Variants in PSG11 observed in about 807,000 individuals in gnomAD.
PSG11 encodes pregnancy-specific beta-1-glycoprotein 11.
PSG11 carries 42 observed loss-of-function variants against 36.0 expected under a neutral mutation model. The observed-to-expected ratio is 1.17, with a 90% CI of 0.91 to 1.51. The LOEUF is 1.51. Among genes scored for constraint, PSG11 ranks in the 40% most tolerant of loss-of-function variants. PSG11 has a pLI of 0.00. For synonymous variants in PSG11, 206 were observed against 153.5 expected, an observed-to-expected ratio of 1.34 and a Z score of -2.53; for missense variants, 558 against 403.5, an observed-to-expected ratio of 1.38 and a Z score of -3.28.
intron 4 of PSG11, chr19:43,014,581 C>G (rs180787355): frequency 2.0e-6 from 2 of 1,010,250 alleles, no homozygotes; most frequent in African/African-American, 1.7e-5. Context: ...TCCACACATG[C>G]TGGTCCCACC....
chr19:43,018,032 T>C (rs565503689), intron 3 of PSG11, among the ~76,000 whole-genome samples: 1 of 151,328 alleles, frequency 6.6e-6, no homozygotes, highest in African/African-American at 2.4e-5. Flanking sequence ...CCTCTCCCTT[T>C]GCAGAGGGCA....
At chr19:43,023,111 C>T (rs12976854) in intron 2 of PSG11, among the ~76,000 whole-genome samples, 6,956 of 149,482 alleles carry the variant, frequency 0.047, 760 homozygotes, top group African/African-American at 0.16. Flanking sequence ...CAAGGAGCCC[C>T]GAGAACCCTC....
chr19:43,015,927 A>G (rs763533961), intron 3 of PSG11: 2 of 1,609,956 alleles, frequency 1.2e-6, no homozygotes, highest in Non-Finnish European at 1.7e-6. Context: ...GGCTCTGACA[A>G]TTTAGCCACC....
chr19:43,015,903 G>A, intron 3 of PSG11: 2 of 1,609,994 alleles, frequency 1.2e-6, no homozygotes, highest in Non-Finnish European at 1.7e-6. Flanking sequence ...GCTTTACCCT[G>A]GGACTGACCG....
intron 3 of PSG11, chr19:43,015,727 T>A: frequency 6.2e-7 from 1 of 1,605,118 alleles, no homozygotes; most frequent in Non-Finnish European, 8.5e-7. Context: ...GTCGTTTGGA[T>A]TTAAGCTGGT....
chr19:43,009,234 A>G (rs1974010280), intron 5 of PSG11, among the ~76,000 whole-genome samples: 1 of 151,332 alleles, frequency 6.6e-6, no homozygotes, highest in Non-Finnish European at 1.5e-5. Context: ...TCAGGTTCAC[A>G]TGTTAATCCT....
At chr19:43,019,638 A>T (rs1967055042) in intron 2 of PSG11, 1 of 157,096 alleles carries the variant, frequency 6.4e-6, no homozygotes, top group Admixed American at 5.9e-5. Context: ...AAGGTGGGGC[A>T]GTTTTCCCAG....
chr19:43,010,925 A>G (rs918060688), intron 4 of PSG11, among the ~76,000 whole-genome samples: 2 of 149,142 alleles, frequency 1.3e-5, no homozygotes, highest in African/African-American at 5.0e-5. Flanking sequence ...GGAAAAAGGA[A>G]GGTACTGTTG....
intron 2 of PSG11, among the ~76,000 whole-genome samples, chr19:43,022,760 C>A (rs1188951712): frequency 6.6e-6 from 1 of 151,074 alleles, no homozygotes; most frequent in Non-Finnish European, 1.5e-5. Context: ...AGCTCATTCT[C>A]TTAGTGACCT....
At chr19:43,020,433 T>C (rs1451752435) in intron 2 of PSG11, among the ~76,000 whole-genome samples, 1 of 151,318 alleles carries the variant, frequency 6.6e-6, no homozygotes, top group Non-Finnish European at 1.5e-5. Context: ...TATTTAATAC[T>C]GTAATTATCC....
At chr19:43,010,318 A>T in intron 4 of PSG11, 3 of 1,505,774 alleles carry the variant, frequency 2.0e-6, no homozygotes, top group East Asian at 4.8e-5. Flanking sequence ...GCTATTTTCT[A>T]TGTCATTGGA....
chr19:43,015,635 A>G, intron 3 of PSG11: 5 of 1,493,998 alleles, frequency 3.3e-6, no homozygotes, highest in Non-Finnish European at 9.0e-7. Flanking sequence ...TTCCCAGGGC[A>G]GGGAGTCATG....
In PSG11 at chr19:43,017,656, G is replaced by T. The variant is rs1248535852; in HGVS notation, c.709+1114C>A. ...CTAATTCTGCAAAAAATGTTACTGG[G>T]ATTCTAGTAGGGGTTGCATTGAATC... On this transcript the variant is annotated intron_variant, in intron 3 of 5. Coordinates refer to ENST00000320078, the MANE Select transcript of PSG11 (RefSeq NM_002785.3). 3.3e-5 allele frequency: 5 copies of T among 151,272 alleles called. 1 individual carries two copies. Among genetic ancestry groups the T allele is most frequent in the African/African-American group, 1.2e-4 (5 of 40,984 alleles). 9.4% of individuals were successfully genotyped at this position (151,272 alleles called of 1,614,324 possible).
intron 3 of PSG11, among the ~76,000 whole-genome samples, chr19:43,016,716 T>C (rs561874701): frequency 1.3e-4 from 19 of 151,600 alleles, no homozygotes; most frequent in Non-Finnish European, 2.7e-4. Context: ...AGGAATGATC[T>C]AGGAAGAGTG....
At position 43,024,967 on chromosome 19, in the gene PSG11, G is replaced by A. The variant is rs1427853678; in HGVS notation, c.154C>T (p.Leu52Phe). ...PPKVSEGKDVLLLVHNLPQNL... is the reference protein window; with the variant it reads ...PPKVSEGKDVFLLVHNLPQNL... ...TGGGGCAAATTGTGGACAAGTAGAA[G>A]AACATCCTTCCCCTCGGACACTTTG... The change falls in exon 2 of 6, where the codon CTT becomes TTT. Residue 52 changes from leucine (L) to phenylalanine (F), a missense_variant. Transcript: ENST00000320078. 2.5e-6 allele frequency: 4 copies of A among 1,611,658 alleles called. No individual in the cohort carries two copies. Among genetic ancestry groups the A allele is most frequent in the Non-Finnish European group, 3.4e-6 (4 of 1,179,014 alleles).
At position 43,017,969 on chromosome 19, in the gene PSG11, T is replaced by A. The variant is rs375651762; in HGVS notation, c.709+801A>T. ...AGAAAGAGTGAAGGGGACAGGCAAA[T>A]GCTGGTGGTTTTGGAGCAGAAACAT... On this transcript the variant is annotated intron_variant, in intron 3 of 5. Transcript: ENST00000320078. Among the ~76,000 whole-genome samples the A allele has an allele frequency of 2.8e-4, 42 of 151,258 alleles. 1 individual carries two copies. The East Asian group carries it at 3.5e-3, about 13-fold the overall frequency.
chr19:43,010,080 T>A (rs141986045), intron 4 of PSG11, 39 bp from the exon 5 acceptor site: 2 of 1,591,808 alleles, frequency 1.3e-6, no homozygotes, highest in South Asian at 2.2e-5. Context: ...ATGAAGGTGA[T>A]GTTATTTTAC....
intron 4 of PSG11, among the ~76,000 whole-genome samples, chr19:43,011,760 A>G (rs1974081927): frequency 1.3e-5 from 2 of 150,978 alleles, no homozygotes; most frequent in Non-Finnish European, 3.0e-5. Context: ...GCATGGTGAC[A>G]TGCACCTGTA....
intron 2 of PSG11, among the ~76,000 whole-genome samples, chr19:43,020,580 T>C (rs947547875): frequency 2.6e-5 from 4 of 151,470 alleles, no homozygotes; most frequent in African/African-American, 9.7e-5. Context: ...GATCAATTGC[T>C]GGTAGTAGTA....
Sources: gnomAD v4.1 joint callset for allele counts (sites outside exome capture counted in the v4.1 genomes callset) on GRCh38, gnomAD v4.1.1 for gene constraint, MANE v1.5 for transcripts, NCBI Gene and HGNC (gene_info 2026-07-23, HGNC 2026-07-21) for gene names.